ANKRD36C: variants seen among roughly 807,000 people sequenced by gnomAD.
ANKRD36C encodes ankyrin repeat domain 36C.
Under a neutral mutation model 276.4 loss-of-function variants are expected in ANKRD36C, and 61 were observed. The observed-to-expected ratio is 0.22, with a 90% CI of 0.18 to 0.27. The LOEUF (loss-of-function observed/expected upper bound fraction) is 0.27, where lower values mean the gene tolerates loss of function less well. Ranked by LOEUF, ANKRD36C falls within the 10% of genes least tolerant of loss-of-function variation. The pLI is 1.00. For missense variants in ANKRD36C, 1,447 were observed against 2,032.3 expected (o/e 0.71, Z 5.54); for synonymous variants, 483 against 680.1 (o/e 0.71, Z 4.51).
At chr2:95,949,987 AAG>A (rs1491032878) in intron 16 of ANKRD36C, among the ~76,000 whole-genome samples, 4 of 141,442 alleles carry the variant, frequency 2.8e-5, no homozygotes, top group Admixed American at 1.4e-4. Flanking sequence ...AGAAGGAAAA[AAG>A]AAGAATCCAG....
intron 3 of ANKRD36C, among the ~76,000 whole-genome samples, chr2:95,984,706 C>G (rs1350216313): frequency 1.3e-5 from 2 of 151,916 alleles, no homozygotes; most frequent in Non-Finnish European, 2.9e-5. Context: ...CCAGATTGTT[C>G]ACCAAATGGA....
At chr2:95,961,734 A>G (rs372273115) in intron 8 of ANKRD36C, among the ~76,000 whole-genome samples, 1 of 151,892 alleles carries the variant, frequency 6.6e-6, no homozygotes, top group Non-Finnish European at 1.5e-5. Context: ...AATTCTAGCA[A>G]TCTAGCCTGC....
chr2:95,967,592 G>A (rs1185756334), intron 6 of ANKRD36C, among the ~76,000 whole-genome samples: 1 of 152,002 alleles, frequency 6.6e-6, no homozygotes, highest in Non-Finnish European at 1.5e-5. Flanking sequence ...ATTCCTCAAG[G>A]ATCTAGAACC....
chr2:95,924,561 G>T (rs1677356058), intron 30 of ANKRD36C, among the ~76,000 whole-genome samples: 2 of 151,504 alleles, frequency 1.3e-5, no homozygotes, highest in African/African-American at 2.4e-5. Context: ...GTATTATAAA[G>T]AATTTTCACT....
At chr2:95,896,448 T>C (rs1023898912) in intron 44 of ANKRD36C, among the ~76,000 whole-genome samples, 3 of 149,560 alleles carry the variant, frequency 2.0e-5, no homozygotes, top group Admixed American at 1.3e-4. Context: ...AATACTCTTG[T>C]TGGGAGTATC....
chr2:95,966,846 G>A (rs944050113), intron 6 of ANKRD36C, among the ~76,000 whole-genome samples: 1 of 152,060 alleles, frequency 6.6e-6, no homozygotes, highest in Non-Finnish European at 1.5e-5. Flanking sequence ...CTTGAGTGGT[G>A]GTTTGTAGTT....
exon 50 of ANKRD36C, chr2:95,887,993 G>A: frequency 6.2e-7 from 1 of 1,600,100 alleles, no homozygotes; most frequent in Non-Finnish European, 8.5e-7. Flanking sequence ...CTTGTCACTT[G>A]TAGCCTGAAT....
intron 34 of ANKRD36C, among the ~76,000 whole-genome samples, chr2:95,921,262 A>G (rs530597166): frequency 2.7e-5 from 4 of 150,344 alleles, no homozygotes; most frequent in Admixed American, 6.6e-5. Context: ...TGTAAAATCT[A>G]TACTTCCTCT....
At chr2:95,969,927 T>A (rs534082104) in intron 6 of ANKRD36C, among the ~76,000 whole-genome samples, 5 of 151,742 alleles carry the variant, frequency 3.3e-5, no homozygotes, top group African/African-American at 2.4e-5. Flanking sequence ...ATATATATAT[T>A]TTTATAAATT....
chr2:95,856,941 C>T (rs1398923348), intron 62 of ANKRD36C, among the ~76,000 whole-genome samples: 1 of 152,050 alleles, frequency 6.6e-6, no homozygotes, highest in African/African-American at 2.4e-5. Context: ...ATCTATAAAG[C>T]TCTTCTTAGA....
intron 50 of ANKRD36C, among the ~76,000 whole-genome samples, chr2:95,886,684 A>G (rs1676210889): frequency 6.6e-6 from 1 of 151,770 alleles, no homozygotes; most frequent in African/African-American, 2.4e-5. Context: ...TAACTTGCCC[A>G]ATAACTGAGA....
rs535475882 is a variant in ANKRD36C, at chr2:95,892,449, G to A, written c.2756-589C>T. ...ATTCATTATCTCTCACACCCATATGGTGTAATAATCTGCCTAAGTTTCTTC... is the reference window on the plus strand; with the variant it reads ...ATTCATTATCTCTCACACCCATATGATGTAATAATCTGCCTAAGTTTCTTC... On this transcript the variant is annotated intron_variant, in intron 44 of 66. Transcript: ENST00000456556. Among the ~76,000 whole-genome samples the A allele has an allele frequency of 3.3e-5, 5 of 151,592 alleles. 1 individual carries two copies. In the South Asian group the frequency reaches 1.0e-3, roughly 31 times the overall value.
In ANKRD36C at chr2:95,923,650, A is replaced by C; in HGVS notation, c.2070+11T>G. On this transcript the variant is annotated intron_variant, in intron 31 of 66. Coordinates refer to ENST00000456556, the Ensembl canonical transcript of ANKRD36C. ...GTTACTAATACAAAATATAAATGAGAGTTTAATTACCTTTGAGGGTGGTTG... is the reference window on the plus strand; with the variant it reads ...GTTACTAATACAAAATATAAATGAGCGTTTAATTACCTTTGAGGGTGGTTG... 1.2e-6 allele frequency: 2 copies of C among 1,610,448 alleles called. No homozygotes were observed. Among genetic ancestry groups the C allele is most frequent in the East Asian group, 2.2e-5 (1 of 44,656 alleles).
rs757318908 is a variant in ANKRD36C at position 95,923,633 on chromosome 2, T to C, written c.2070+28A>G. 17 of 1,609,440 alleles carry C rather than the reference T, an allele frequency of 1.1e-5. No homozygotes were observed. In the Admixed American group the frequency reaches 2.7e-4, roughly 25 times the overall value. ...GTTTCATGGACTATACAGTTACTAA[T>C]ACAAAATATAAATGAGAGTTTAATT... On this transcript the variant is annotated intron_variant, in intron 31 of 66. Coordinates refer to ENST00000456556, the Ensembl canonical transcript of ANKRD36C.
intron 59 of ANKRD36C, among the ~76,000 whole-genome samples, chr2:95,872,415 T>G (rs1354777712): frequency 6.6e-6 from 1 of 151,374 alleles, no homozygotes; most frequent in Non-Finnish European, 1.5e-5. Flanking sequence ...CCTGAATGAC[T>G]ACTGGGTACA....
rs1350132567 is a variant in ANKRD36C at position 95,879,422 on chromosome 2, C to A, written c.3469+1005G>T. Among the ~76,000 whole-genome samples, 856 of 150,776 alleles carry A rather than the reference C, an allele frequency of 5.7e-3. 8 individuals are homozygous for A. The highest frequency in any genetic ancestry group is 7.9e-3 in the Non-Finnish European group (532 of 67,508). On this transcript the variant is annotated intron_variant, in intron 58 of 66. Transcript: ENST00000456556. ...ATGACTACAGTCAGCAATAACTTGT[C>A]CATTTTAGCATTACTGAGGAAGTAC...
At chr2:95,880,090 G>C (rs1202182418) in intron 58 of ANKRD36C, among the ~76,000 whole-genome samples, 1 of 142,212 alleles carries the variant, frequency 7.0e-6, no homozygotes, top group Non-Finnish European at 1.5e-5. Context: ...TGAGGCAAGA[G>C]AATTGCTTGA....
intron 64 of ANKRD36C, 64 bp from the exon 85 acceptor site, chr2:95,852,260 T>A (rs1417746677): frequency 1.9e-6 from 2 of 1,051,130 alleles, no homozygotes; most frequent in Admixed American, 4.5e-5. Flanking sequence ...AGTAGATGAA[T>A]GAATCAACAA....
chr2:95,943,160 A>G (rs1229237024), intron 19 of ANKRD36C, among the ~76,000 whole-genome samples: 1 of 152,308 alleles, frequency 6.6e-6, no homozygotes, highest in Non-Finnish European at 1.5e-5. Context: ...TTCTCATTCA[A>G]TGAATATAAA....
Sources: gnomAD v4.1 joint callset for allele counts (sites outside exome capture counted in the v4.1 genomes callset) on GRCh38, gnomAD v4.1.1 for gene constraint, MANE v1.5 for transcripts, NCBI Gene and HGNC (gene_info 2026-07-23, HGNC 2026-07-21) for gene names.